PTPN3: variants seen among roughly 807,000 people sequenced by gnomAD.
PTPN3 encodes protein tyrosine phosphatase non-receptor type 3.
PTPN3 carries 96 observed loss-of-function variants against 132.7 expected under a neutral mutation model. That is an observed-to-expected ratio of 0.72 (90% CI 0.61 to 0.86). PTPN3 has a LOEUF of 0.86. Among genes scored for constraint, PTPN3 ranks in the 40% least tolerant of loss-of-function variants. The pLI is 0.00. For missense variants in PTPN3, 1,125 were observed against 1,159.6 expected, an observed-to-expected ratio of 0.97 and a Z score of 0.43; for synonymous variants, 398 against 429.0, an observed-to-expected ratio of 0.93 and a Z score of 0.89.
chr9:109,490,195 A>G lies in PTPN3; in HGVS notation c.-18+8024T>C, dbSNP rs149153173. Among the ~76,000 whole-genome samples the G allele has an allele frequency of 6.6e-3, 1,009 of 151,992 alleles. 13 individuals carry two copies. The highest frequency in any genetic ancestry group is 0.023 in the African/African-American group (963 of 41,424). ...AAGACTCCATCTCAAAAAAAACAAA[A>G]CAAAAACAAAACAAAAAAAACCCCA... On this transcript the variant is annotated intron_variant, in intron 1 of 25. Transcript: ENST00000374541.
the PTPN3 span, among the ~76,000 whole-genome samples, chr9:109,508,364 G>C: frequency 6.6e-6 from 1 of 152,122 alleles, no homozygotes; most frequent in African/African-American, 2.4e-5. Flanking sequence ...GTTTCACCGT[G>C]TTAGCCAGGA....
intron 5 of PTPN3, 52 bp downstream of exon 5, chr9:109,454,444 T>C: frequency 7.0e-7 from 1 of 1,419,490 alleles, no homozygotes; most frequent in African/African-American, 1.4e-5. Flanking sequence ...ACATTTTTAG[T>C]GGTTACTCAT....
At chr9:109,534,993 T>A in the PTPN3 span, among the ~76,000 whole-genome samples, 1 of 152,238 alleles carries the variant, frequency 6.6e-6, no homozygotes, top group African/African-American at 2.4e-5. Context: ...TGGTAAAGTA[T>A]TTGTTCAAAG....
intron 14 of PTPN3, among the ~76,000 whole-genome samples, chr9:109,413,359 T>C (rs1468580003): frequency 6.6e-6 from 1 of 152,158 alleles, no homozygotes; most frequent in African/African-American, 2.4e-5. Context: ...AGGTGCTCTG[T>C]AGGGCGCGGT....
At chr9:109,413,541 G>A (rs569883750) in intron 14 of PTPN3, among the ~76,000 whole-genome samples, 13 of 152,342 alleles carry the variant, frequency 8.5e-5, no homozygotes, top group Admixed American at 6.5e-5. Context: ...GCTGAGGAGC[G>A]CAGGGGAGTT....
At chr9:109,503,767 G>C in the PTPN3 span, among the ~76,000 whole-genome samples, 1,407 of 151,948 alleles carry the variant, frequency 9.3e-3, 13 homozygotes, top group Non-Finnish European at 0.016. Context: ...GAGGGATTTT[G>C]TCTGTAAAAC....
the PTPN3 span, among the ~76,000 whole-genome samples, chr9:109,521,305 C>T: frequency 5.3e-5 from 8 of 151,840 alleles, no homozygotes; most frequent in East Asian, 1.9e-4. Flanking sequence ...ACCACAGGTG[C>T]GCACCCCCAC....
intron 21 of PTPN3, 112 bp downstream of exon 21, chr9:109,391,026 G>A (rs946847565): frequency 3.3e-6 from 3 of 920,640 alleles, no homozygotes; most frequent in African/African-American, 1.7e-5. Context: ...GTGCTGAAAT[G>A]CGGTGGTGAA....
At position 109,406,586 on chromosome 9, in the gene PTPN3, C is replaced by T. The variant is rs775150952; in HGVS notation, c.1668G>A (p.Gly556=). 1 of 1,614,120 alleles carries T rather than the reference C, an allele frequency of 6.2e-7. No individual in the cohort carries two copies. The highest frequency in any genetic ancestry group is 8.5e-7 in the Non-Finnish European group (1 of 1,180,016). Residue 556 remains glycine (G), a synonymous_variant, in exon 18 of 26, where the codon GGG becomes GGA. Coordinates refer to ENST00000374541, the MANE Select transcript of PTPN3 (RefSeq NM_002829.4). The stretch of plus-strand genomic sequence containing the variant: ...GGCCATTGATTAACACGATTTGATC[C>T]CCTTCGTTCAGCTTAGGAATGCAGG... ...ADTCIPKLNE[G]DQIVLINGRD...
chr9:109,538,090 A>T, the PTPN3 span, among the ~76,000 whole-genome samples: 56,430 of 152,210 alleles, frequency 0.37, 11,283 homozygotes, highest in East Asian at 0.62. Flanking sequence ...GAGCCCTGTT[A>T]TAACATAGAA....
At chr9:109,446,557 A>C (rs2131981596) in intron 6 of PTPN3, among the ~76,000 whole-genome samples, 1 of 152,310 alleles carries the variant, frequency 6.6e-6, no homozygotes, top group Non-Finnish European at 1.5e-5. Flanking sequence ...GGATAGGCAG[A>C]AACAGGATGA....
chr9:109,400,691 C>T (rs1034510730), intron 19 of PTPN3, among the ~76,000 whole-genome samples: 1 of 152,196 alleles, frequency 6.6e-6, no homozygotes, highest in African/African-American at 2.4e-5. Context: ...GGTCACTTAA[C>T]CTGTCCAAGA....
At chr9:109,510,579 ATATAT>A in the PTPN3 span, among the ~76,000 whole-genome samples, 7 of 42,824 alleles carry the variant, frequency 1.6e-4, no homozygotes, top group African/African-American at 4.6e-4. Context: ...AAAAAAAAAT[ATATAT>A]ATATATATAT....
chr9:109,537,709 A>C, the PTPN3 span, among the ~76,000 whole-genome samples: 2 of 152,246 alleles, frequency 1.3e-5, no homozygotes, highest in Non-Finnish European at 2.9e-5. Flanking sequence ...AACAATGATC[A>C]TTGCTGACAC....
the PTPN3 span, among the ~76,000 whole-genome samples, chr9:109,507,360 A>G: frequency 3.3e-5 from 5 of 152,290 alleles, no homozygotes; most frequent in East Asian, 5.8e-4. Context: ...CTGAAAACCT[A>G]TTCTTGCTTG....
At chr9:109,499,929 G>A (rs1308268601), upstream of PTPN3, among the ~76,000 whole-genome samples, 3 of 152,170 alleles carry the variant, frequency 2.0e-5, no homozygotes, top group Non-Finnish European at 4.4e-5. Flanking sequence ...CGGACGGGCG[G>A]GGAGCGCACT....
At chr9:109,491,576 C>T (rs907739886) in intron 1 of PTPN3, among the ~76,000 whole-genome samples, 2 of 152,146 alleles carry the variant, frequency 1.3e-5, no homozygotes, top group Admixed American at 6.5e-5. Flanking sequence ...CTTCACACAG[C>T]TTACAGTGTA....
rs151205610 is a variant in PTPN3, at chr9:109,447,754, G to A, written c.413+1057C>T. ...CCAGACTGAACCGCCCCTGGCCTCT[G>A]CCAGTCTTCCCTTGTGCACAATGAT... On this transcript the variant is annotated intron_variant, in intron 6 of 25. Transcript: ENST00000374541. Among the ~76,000 whole-genome samples, 140 of 152,264 alleles carry A rather than the reference G, an allele frequency of 9.2e-4. 1 individual carries two copies. The highest frequency in any genetic ancestry group is 3.3e-3 in the African/African-American group (137 of 41,538).
chr9:109,433,829 G>A (rs1843831914), intron 9 of PTPN3, among the ~76,000 whole-genome samples: 1 of 149,556 alleles, frequency 6.7e-6, no homozygotes, highest in Non-Finnish European at 1.5e-5. Flanking sequence ...GACTGCTTAA[G>A]CCTGGGAAGT....
Sources: allele counts gnomAD v4.1 joint callset (sites outside exome capture counted in the v4.1 genomes callset), GRCh38; gene constraint gnomAD v4.1.1; transcripts MANE v1.5; gene names NCBI Gene and HGNC (gene_info 2026-07-23, HGNC 2026-07-21).